SCFD2: variants seen among roughly 807,000 people sequenced by gnomAD.
SCFD2 encodes the protein sec1 family domain containing 2, also known as sec1 family domain-containing protein 2.
Under a neutral mutation model 58.9 loss-of-function variants are expected in SCFD2, and 54 were observed. The observed-to-expected ratio is 0.92, with a 90% CI of 0.74 to 1.15. SCFD2 has a LOEUF of 1.15. Ranked by LOEUF, SCFD2 falls within the 50% of genes most tolerant of loss-of-function variation. The pLI is 0.00. For synonymous variants in SCFD2, 321 were observed against 335.9 expected (o/e 0.96, Z 0.49); for missense variants, 805 against 836.6 (o/e 0.96, Z 0.47).
At chr4:52,910,087 A>G (rs530101493) in intron 6 of SCFD2, among the ~76,000 whole-genome samples, 2 of 152,376 alleles carry the variant, frequency 1.3e-5, no homozygotes, top group Admixed American at 6.5e-5. Flanking sequence ...AATAGACTTC[A>G]ATCTTCAGCC....
rs192549927 is a variant in SCFD2, at chr4:53,085,319, G to A, written c.1561+60014C>T. 7.3e-3 allele frequency among the ~76,000 whole-genome samples: 1,104 copies of A among 152,042 alleles called. 15 individuals carry two copies. The highest frequency in any genetic ancestry group is 8.9e-3 in the Non-Finnish European group (605 of 67,962). ...ATAAATTTAAATAATTAGGAATTAT[G>A]TTAACCAAAGAAGTAAAAAATGTCT... On this transcript the variant is annotated intron_variant, in intron 5 of 8. Coordinates refer to ENST00000401642, the MANE Select transcript of SCFD2 (RefSeq NM_152540.4).
intron 5 of SCFD2, among the ~76,000 whole-genome samples, chr4:53,088,404 C>T (rs1409535856): frequency 6.6e-6 from 1 of 152,204 alleles, no homozygotes; most frequent in Non-Finnish European, 1.5e-5. Context: ...GAACCTCTAA[C>T]CTAGCAGTTC....
intron 5 of SCFD2, among the ~76,000 whole-genome samples, chr4:52,981,919 C>T (rs1346778083): frequency 6.6e-6 from 1 of 152,012 alleles, no homozygotes. Flanking sequence ...AGTGTGCAGA[C>T]ATGTGATGAT....
intron 5 of SCFD2, among the ~76,000 whole-genome samples, chr4:52,983,755 C>T (rs542007906): frequency 1.3e-5 from 2 of 152,238 alleles, no homozygotes; most frequent in South Asian, 2.1e-4. Flanking sequence ...AAATGGTGCC[C>T]TCTGCTGGAA....
chr4:53,365,209 C>A lies in SCFD2; in HGVS notation c.733G>T (p.Val245Phe). 1.2e-6 allele frequency: 2 copies of A among 1,614,144 alleles called. No individual in the cohort carries two copies. The highest frequency in any genetic ancestry group is 1.7e-6 in the Non-Finnish European group (2 of 1,180,038). ...ECFAVGSLSQ[V>F]IAADLANYAP... ...TAATTGGCCAGATCCGCAGCGATGA[C>A]CTGACTTAAGGAACCTACAGCAAAA... Residue 245 changes from valine (V) to phenylalanine (F), a missense_variant, in exon 1 of 9, where the codon GTC becomes TTC. Physicochemically the swap from Val to Phe is conservative, Grantham distance 50 (BLOSUM62 -1). Around this residue, in one of 3 missense-constraint regions of SCFD2, gnomAD observed 633 missense variants for 646.8 expected, o/e 0.98. Transcript: ENST00000401642. The surrounding 1 kb of genome is among the most constrained non-coding windows in gnomAD (Gnocchi z 4.3).
intron 5 of SCFD2, among the ~76,000 whole-genome samples, chr4:53,044,184 C>G (rs894205577): frequency 5.9e-5 from 9 of 152,118 alleles, no homozygotes; most frequent in African/African-American, 2.2e-4. Context: ...CTCTAATAGT[C>G]AATCTTTAAT....
intron 5 of SCFD2, among the ~76,000 whole-genome samples, chr4:53,129,013 A>T (rs1725711804): frequency 6.6e-6 from 1 of 152,242 alleles, no homozygotes; most frequent in African/African-American, 2.4e-5. Context: ...AACACAAATA[A>T]GGAAATAAAG....
chr4:53,232,155 GA>G (rs939855016), intron 4 of SCFD2, among the ~76,000 whole-genome samples: 17 of 151,816 alleles, frequency 1.1e-4, no homozygotes, highest in African/African-American at 3.9e-4. Context: ...ATGTTGCAAG[GA>G]AAACAAACTT....
At chr4:53,219,630 T>G (rs1480478296) in intron 4 of SCFD2, among the ~76,000 whole-genome samples, 5 of 152,066 alleles carry the variant, frequency 3.3e-5, no homozygotes, top group Non-Finnish European at 5.9e-5. Flanking sequence ...CTCGGTGGGC[T>G]GCACCCACTG....
chr4:53,362,494 A>G (rs1375117478), intron 1 of SCFD2, among the ~76,000 whole-genome samples: 1 of 152,170 alleles, frequency 6.6e-6, no homozygotes, highest in East Asian at 1.9e-4. Flanking sequence ...TTGTTTTTTA[A>G]CTATTTGCAT....
chr4:53,290,398 A>T (rs539232154), intron 3 of SCFD2, among the ~76,000 whole-genome samples: 1 of 152,310 alleles, frequency 6.6e-6, no homozygotes, highest in African/African-American at 2.4e-5. Flanking sequence ...AGAAATCAAA[A>T]GAAAAATTTA....
chr4:52,969,731 C>A (rs1346497713), intron 5 of SCFD2, among the ~76,000 whole-genome samples: 5 of 152,302 alleles, frequency 3.3e-5, no homozygotes, highest in East Asian at 3.9e-4. Context: ...GAGCCTTCTG[C>A]AAACCTGAGG....
intron 4 of SCFD2, among the ~76,000 whole-genome samples, chr4:53,198,908 T>A (rs974077167): frequency 1.3e-5 from 2 of 152,096 alleles, no homozygotes; most frequent in African/African-American, 4.8e-5. Flanking sequence ...GGGACATAAT[T>A]CTTCATAATT....
chr4:53,181,761 C>T lies in SCFD2; in HGVS notation c.1312-36179G>A, dbSNP rs771200427. 1.6e-3 allele frequency among the ~76,000 whole-genome samples: 243 copies of T among 152,262 alleles called. 1 individual carries two copies. The highest frequency in any genetic ancestry group is 2.0e-3 in the Non-Finnish European group (138 of 68,014). On this transcript the variant is annotated intron_variant, in intron 4 of 8. Transcript: ENST00000401642. ...TGATTGAATATCTAGAAAACCCCAT[C>T]GTCTCAGCCCAAAATCTCCTCAAGC...
intron 5 of SCFD2, among the ~76,000 whole-genome samples, chr4:53,070,786 T>C (rs1723792044): frequency 6.6e-6 from 1 of 152,078 alleles, no homozygotes; most frequent in Non-Finnish European, 1.5e-5. Flanking sequence ...ACTGTTTTCT[T>C]AGGTTTATAC....
intron 2 of SCFD2, among the ~76,000 whole-genome samples, chr4:53,349,264 T>G (rs1734146042): frequency 6.6e-6 from 1 of 152,208 alleles, no homozygotes; most frequent in Non-Finnish European, 1.5e-5. Context: ...GTAAAAAATG[T>G]GTCATGAAGA....
intron 5 of SCFD2, among the ~76,000 whole-genome samples, chr4:52,958,909 C>T (rs1367328875): frequency 1.3e-5 from 2 of 152,112 alleles, no homozygotes; most frequent in Non-Finnish European, 2.9e-5. Context: ...TTAACCTGAA[C>T]TCATTATGTA....
At chr4:53,293,419 A>G (rs1731911706) in intron 3 of SCFD2, among the ~76,000 whole-genome samples, 1 of 152,170 alleles carries the variant, frequency 6.6e-6, no homozygotes, top group Admixed American at 6.5e-5. Flanking sequence ...AAGTTTACCT[A>G]TGTAACAAAC....
intron 5 of SCFD2, among the ~76,000 whole-genome samples, chr4:53,130,822 C>T (rs1725766447): frequency 6.6e-6 from 1 of 151,818 alleles, no homozygotes; most frequent in Admixed American, 6.6e-5. Flanking sequence ...AGGATGAGGT[C>T]GATAACTAAA....
Sources: gnomAD v4.1 joint callset for allele counts (sites outside exome capture counted in the v4.1 genomes callset) on GRCh38, gnomAD v4.1.1 for gene constraint, gnomAD v4.1.1 regional missense constraint, Gnocchi (gnomAD v3.1) non-coding constraint, MANE v1.5 for transcripts, NCBI Gene and HGNC (gene_info 2026-07-23, HGNC 2026-07-21) for gene names.